NRDC: variants seen among roughly 807,000 people sequenced by gnomAD.
The protein encoded by NRDC is nardilysin convertase.
Under a neutral mutation model 147.1 loss-of-function variants are expected in NRDC, and 54 were observed. The ratio of observed to expected loss-of-function variants is 0.37; its 90% CI spans 0.29 to 0.46. NRDC has a LOEUF of 0.46. NRDC is among the 20% of genes least tolerant of loss of function. The pLI is 1.00. For synonymous variants in NRDC, 440 were observed against 482.1 expected (o/e 0.91, Z 1.14); for missense variants, 1,082 against 1,370.6 (o/e 0.79, Z 3.33).
rs1678571032 is a variant in NRDC at position 51,790,532 on chromosome 1, C to G, written c.3168+1G>C. 1.2e-6 allele frequency: 2 copies of G among 1,601,062 alleles called. No homozygotes were observed. The stretch of plus-strand genomic sequence containing the variant: ...CTGTCTTACTCTGAAAACCATGTTA[C>G]CTCGTGGGCAAGGCGGTCAAAGAGG... On this transcript the variant is annotated splice_donor_variant, in intron 29 of 30. Transcript: ENST00000352171. LOFTEE classifies it high-confidence loss of function.
chr1:51,809,921 A>G (rs1024954978), intron 16 of NRDC, among the ~76,000 whole-genome samples: 6 of 151,976 alleles, frequency 3.9e-5, no homozygotes, highest in Non-Finnish European at 8.8e-5. Flanking sequence ...AAAAAAAGAA[A>G]AGAAAAAAGA....
At chr1:51,858,463 CCT>C (rs1682365342) in intron 1 of NRDC, among the ~76,000 whole-genome samples, 1 of 148,298 alleles carries the variant, frequency 6.7e-6, no homozygotes, top group African/African-American at 2.5e-5. Flanking sequence ...AGAGGGAAAC[CCT>C]GTCTTTAAAA....
At chr1:51,855,228 G>A (rs1682174586) in intron 1 of NRDC, among the ~76,000 whole-genome samples, 1 of 152,070 alleles carries the variant, frequency 6.6e-6, no homozygotes, top group South Asian at 2.1e-4. Flanking sequence ...ACCCTTACCT[G>A]CAAATCATCG....
At chr1:51,811,968 A>T in intron 15 of NRDC, 26 bp downstream of exon 15, 2 of 1,481,014 alleles carry the variant, frequency 1.4e-6, no homozygotes, top group East Asian at 4.5e-5. Context: ...CCTAAAAGTA[A>T]GTTTTAGACG....
intron 1 of NRDC, among the ~76,000 whole-genome samples, chr1:51,842,937 A>G (rs1367791819): frequency 6.6e-6 from 1 of 151,872 alleles, no homozygotes; most frequent in East Asian, 1.9e-4. Context: ...GGCATGGTGT[A>G]TCTATGGTCC....
intron 7 of NRDC, among the ~76,000 whole-genome samples, chr1:51,823,297 G>GT (rs1680289332): frequency 6.6e-6 from 1 of 152,142 alleles, no homozygotes; most frequent in South Asian, 2.1e-4. Flanking sequence ...ACTTTGCCCT[G>GT]TAAGAGTTTG....
chr1:51,876,429 A>C (rs1453880983), intron 1 of NRDC, among the ~76,000 whole-genome samples: 1 of 152,226 alleles, frequency 6.6e-6, no homozygotes, highest in African/African-American at 2.4e-5. Flanking sequence ...CCTTATACAC[A>C]TAACCTGAAG....
chr1:51,813,154 A>C (rs1679807606), intron 14 of NRDC, among the ~76,000 whole-genome samples: 1 of 152,078 alleles, frequency 6.6e-6, no homozygotes, highest in Non-Finnish European at 1.5e-5. Context: ...GTCAGATAAA[A>C]GTCTTGCGAT....
intron 5 of NRDC, among the ~76,000 whole-genome samples, chr1:51,826,221 A>T (rs1392910627): frequency 6.6e-6 from 1 of 152,206 alleles, no homozygotes; most frequent in Non-Finnish European, 1.5e-5. Context: ...TTCTGACACT[A>T]AGCTCAACAA....
At chr1:51,798,456 AAATG>A (rs1177933250) in intron 21 of NRDC, 45 bp from the exon 22 acceptor site, 2 of 1,480,674 alleles carry the variant, frequency 1.4e-6, no homozygotes, top group Admixed American at 3.7e-5. Context: ...TTGTTATTAG[AAATG>A]AATCTTCAGA....
At chr1:51,857,543 T>C (rs1682312863) in intron 1 of NRDC, among the ~76,000 whole-genome samples, 1 of 152,210 alleles carries the variant, frequency 6.6e-6, no homozygotes, top group African/African-American at 2.4e-5. Context: ...AGACTCACGA[T>C]GTCCATTGCT....
chr1:51,819,898 A>T, intron 8 of NRDC, 25 bp from the exon 9 acceptor site: 1 of 1,567,822 alleles, frequency 6.4e-7, no homozygotes, highest in East Asian at 2.2e-5. Flanking sequence ...AATACATACA[A>T]ATTTAACTGG....
chr1:51,878,435 T>A lies in NRDC; in HGVS notation c.181A>T (p.Ser61Cys). 6.2e-7 allele frequency: 1 copy of A among 1,614,152 alleles called. No homozygotes were observed. Among genetic ancestry groups the A allele is most frequent in the Non-Finnish European group, 8.5e-7 (1 of 1,180,042 alleles). Reference sequence around the variant, plus strand: ...CCATTGGGCTGCAGGTCAGGGCAGCTGCAGGTAGACTTCGCCTTGTTCCTT... The same window carrying A: ...CCATTGGGCTGCAGGTCAGGGCAGCAGCAGGTAGACTTCGCCTTGTTCCTT... ...PGRNKAKSTC[S>C]CPDLQPNGQD... Residue 61 changes from serine (S) to cysteine (C), a missense_variant, in exon 1 of 31, where the codon AGC becomes TGC. By Grantham distance (112) the Ser-to-Cys change is moderately radical (BLOSUM62 -1). Around this residue, in one of 3 missense-constraint regions of NRDC, gnomAD observed 260 missense variants for 253.2 expected, o/e 1.03. Transcript: ENST00000352171.
At position 51,840,513 on chromosome 1, in the gene NRDC, A is replaced by T; in HGVS notation, c.343T>A (p.Tyr115Asn). 6 of 1,573,898 alleles carry T rather than the reference A, an allele frequency of 3.8e-6. No homozygotes were observed. Among genetic ancestry groups the T allele is most frequent in the Non-Finnish European group, 5.2e-6 (6 of 1,164,172 alleles). ...TGCAAGCCATTCTGTAATTTGATGT[A>T]TCTGGGGGGAGAAAAAAAAAATCAC... ...KSPSDPKQYR[Y>N]IKLQNGLQAL... Residue 115 changes from tyrosine to asparagine, a missense_variant and splice_region_variant, in exon 2 of 31, where the codon TAC becomes AAC. Physicochemically the swap from Tyr to Asn is moderately radical, Grantham distance 143. Transcript: ENST00000352171.
chr1:51,821,222 A>C (rs917242001), intron 8 of NRDC, among the ~76,000 whole-genome samples: 1 of 152,146 alleles, frequency 6.6e-6, no homozygotes, highest in African/African-American at 2.4e-5. Flanking sequence ...TATCACAGAA[A>C]AGCTCTAAAT....
intron 1 of NRDC, among the ~76,000 whole-genome samples, chr1:51,851,546 G>GA (rs199712684): frequency 0.08 from 11,233 of 140,788 alleles, 623 homozygotes; most frequent in South Asian, 0.2. Context: ...TGGGCCCAAG[G>GA]AAAAAAAAAA....
At chr1:51,861,255 AGTG>A (rs1432514499) in intron 1 of NRDC, among the ~76,000 whole-genome samples, 2 of 136,400 alleles carry the variant, frequency 1.5e-5, no homozygotes, top group African/African-American at 5.5e-5. Context: ...CGGCTGCCCA[AGTG>A]GTATTACTTT....
At chr1:51,842,928 G>A (rs148899089) in intron 1 of NRDC, among the ~76,000 whole-genome samples, 5 of 152,082 alleles carry the variant, frequency 3.3e-5, no homozygotes, top group Middle Eastern at 6.8e-3. Flanking sequence ...AATTAGCTAG[G>A]CATGGTGTAT....
chr1:51,796,555 T>C (rs1678924134), intron 22 of NRDC, among the ~76,000 whole-genome samples: 1 of 150,624 alleles, frequency 6.6e-6, no homozygotes, highest in Non-Finnish European at 1.5e-5. Flanking sequence ...TCCAGCTTTT[T>C]ATTTTGATAA....
Sources: gnomAD v4.1 joint callset for allele counts (sites outside exome capture counted in the v4.1 genomes callset) on GRCh38, gnomAD v4.1.1 for gene constraint, gnomAD v4.1.1 regional missense constraint, MANE v1.5 for transcripts, NCBI Gene and HGNC (gene_info 2026-07-23, HGNC 2026-07-21) for gene names.